HPSE2: variants seen among roughly 807,000 people sequenced by gnomAD.
HPSE2 encodes heparanase 2 (inactive), also known as inactive heparanase-2.
Under a neutral mutation model 60.5 loss-of-function variants are expected in HPSE2, and 38 were observed. That is an observed-to-expected ratio of 0.63 (90% CI 0.48 to 0.82). The LOEUF (loss-of-function observed/expected upper bound fraction) is 0.82, where lower values mean the gene tolerates loss of function less well. Among genes scored for constraint, HPSE2 ranks in the 40% least tolerant of loss-of-function variants. The probability of loss-of-function intolerance (pLI) is 0.00; values close to 1 mark genes in which losing one functional copy is unlikely to be tolerated. For missense variants in HPSE2, 713 were observed against 740.4 expected, an observed-to-expected ratio of 0.96 and a Z score of 0.43; for synonymous variants, 295 against 293.2, an observed-to-expected ratio of 1.01 and a Z score of -0.06.
intron 3 of HPSE2, among the ~76,000 whole-genome samples, chr10:98,792,946 GC>G (rs145299706): frequency 0.014 from 2,116 of 152,234 alleles, 44 homozygotes; most frequent in African/African-American, 0.048. Context: ...GCTTGCCTTA[GC>G]TCATCTCCAG....
the HPSE2 span, among the ~76,000 whole-genome samples, chr10:99,305,971 G>GCACACA: frequency 0.047 from 1,982 of 41,730 alleles, 24 homozygotes; most frequent in Non-Finnish European, 0.063. Context: ...ACGCGCGCGC[G>GCACACA]CGCGCGCGCA....
chr10:98,638,163 A>G (rs574935996), intron 7 of HPSE2, among the ~76,000 whole-genome samples: 46 of 140,710 alleles, frequency 3.3e-4, no homozygotes, highest in South Asian at 2.5e-3. Context: ...AAAAAAAAAA[A>G]GGCTGGGTGC....
intron 3 of HPSE2, among the ~76,000 whole-genome samples, chr10:99,053,295 A>G (rs1958032181): frequency 6.6e-6 from 1 of 152,154 alleles, no homozygotes; most frequent in Admixed American, 6.5e-5. Context: ...AAGTAGTATA[A>G]TATTAACTCT....
intron 11 of HPSE2, chr10:98,461,934 TAA>T: frequency 1.3e-6 from 1 of 796,634 alleles, no homozygotes; most frequent in African/African-American, 1.7e-5. Flanking sequence ...GTTAAAAAGC[TAA>T]GAGTAGAACC....
At chr10:98,792,855 C>A (rs964212846) in intron 3 of HPSE2, among the ~76,000 whole-genome samples, 2 of 152,110 alleles carry the variant, frequency 1.3e-5, no homozygotes, top group African/African-American at 4.8e-5. Flanking sequence ...TCAGAGAGAA[C>A]AGCTTTGAAG....
At chr10:98,868,314 T>C (rs1023533835) in intron 3 of HPSE2, among the ~76,000 whole-genome samples, 1 of 151,716 alleles carries the variant, frequency 6.6e-6, no homozygotes. Context: ...TTCATGGAGA[T>C]AGAGAATAGA....
intron 2 of HPSE2, among the ~76,000 whole-genome samples, chr10:99,156,550 A>C (rs1338457107): frequency 7.7e-6 from 1 of 130,484 alleles, no homozygotes; most frequent in Non-Finnish European, 1.7e-5. Flanking sequence ...AAATTCAACA[A>C]CCCTTCATGC....
At chr10:98,823,035 A>G (rs2134619938) in intron 3 of HPSE2, among the ~76,000 whole-genome samples, 1 of 152,330 alleles carries the variant, frequency 6.6e-6, no homozygotes, top group East Asian at 1.9e-4. Flanking sequence ...AGGCAATGTG[A>G]CAAAAGCAGC....
intron 3 of HPSE2, among the ~76,000 whole-genome samples, chr10:99,076,517 A>G (rs187066552): frequency 1.3e-5 from 2 of 152,242 alleles, no homozygotes; most frequent in Admixed American, 1.3e-4. Flanking sequence ...CCTCCCCAGT[A>G]GCTGGGACCA....
intron 3 of HPSE2, among the ~76,000 whole-genome samples, chr10:99,115,843 C>A (rs915821965): frequency 6.6e-5 from 10 of 152,130 alleles, no homozygotes; most frequent in Non-Finnish European, 2.9e-5. Context: ...TGACTTAAAA[C>A]AGTTGGAGAA....
chr10:98,747,116 C>T (rs1381707702), intron 3 of HPSE2, among the ~76,000 whole-genome samples: 1 of 151,814 alleles, frequency 6.6e-6, no homozygotes, highest in Admixed American at 6.6e-5. Context: ...CAACAGAGGT[C>T]CATTTTTAAG....
At chr10:98,511,763 A>G (rs930273737) in intron 9 of HPSE2, among the ~76,000 whole-genome samples, 1 of 152,152 alleles carries the variant, frequency 6.6e-6, no homozygotes, top group African/African-American at 2.4e-5. Context: ...CACCTCCTGA[A>G]GCTGTTGAGA....
At chr10:98,587,558 C>A (rs118052554) in intron 9 of HPSE2, among the ~76,000 whole-genome samples, 1 of 152,162 alleles carries the variant, frequency 6.6e-6, no homozygotes, top group East Asian at 1.9e-4. Context: ...CACAGCTGTT[C>A]CTTTCTACTC....
the HPSE2 span, among the ~76,000 whole-genome samples, chr10:99,306,013 A>ACACACACC: frequency 6.7e-6 from 1 of 148,964 alleles, no homozygotes; most frequent in Admixed American, 6.7e-5. Context: ...ACACACACAC[A>ACACACACC]CCAGACTGCT....
chr10:98,689,919 T>G (rs1000589514), intron 6 of HPSE2, among the ~76,000 whole-genome samples: 6 of 152,192 alleles, frequency 3.9e-5, no homozygotes, highest in Non-Finnish European at 8.8e-5. Context: ...ATCAAGTCCT[T>G]CTAAATTTGT....
At position 98,846,868 on chromosome 10, in the gene HPSE2, G is replaced by A. The variant is rs75828096; in HGVS notation, c.611-102812C>T. Among the ~76,000 whole-genome samples the A allele has an allele frequency of 3.8e-3, 575 of 152,228 alleles. 2 individuals are homozygous for A. Among genetic ancestry groups the A allele is most frequent in the African/African-American group, 0.013 (535 of 41,538 alleles). On this transcript the variant is annotated intron_variant, in intron 3 of 11. Coordinates refer to ENST00000370552, the MANE Select transcript of HPSE2 (RefSeq NM_021828.5). ...ACTACAGGTACACATCACTGTGCCCGGCTCTGACACATTGTTTCCAATGAC... is the reference window on the plus strand; with the variant it reads ...ACTACAGGTACACATCACTGTGCCCAGCTCTGACACATTGTTTCCAATGAC...
chr10:99,253,101 T>C, the HPSE2 span, among the ~76,000 whole-genome samples: 14 of 152,236 alleles, frequency 9.2e-5, no homozygotes, highest in Admixed American at 7.8e-4. Context: ...AAACTACCAA[T>C]GTCATTTTTC....
intron 3 of HPSE2, among the ~76,000 whole-genome samples, chr10:98,835,966 C>T (rs978160906): frequency 4.6e-5 from 7 of 152,060 alleles, no homozygotes; most frequent in Admixed American, 1.3e-4. Context: ...AAACTGAACT[C>T]GAAGACAGGA....
At chr10:98,563,459 C>A (rs991040381) in intron 9 of HPSE2, among the ~76,000 whole-genome samples, 6 of 152,066 alleles carry the variant, frequency 3.9e-5, no homozygotes, top group African/African-American at 1.4e-4. Context: ...GAGGTTTCTT[C>A]TTGGGTAATG....
Sources: allele counts gnomAD v4.1 joint callset (sites outside exome capture counted in the v4.1 genomes callset), GRCh38; gene constraint gnomAD v4.1.1; transcripts MANE v1.5; gene names NCBI Gene and HGNC (gene_info 2026-07-23, HGNC 2026-07-21).